The following RPTOR variants were observed in gnomAD, a reference collection of about 807,000 sequenced individuals.
RPTOR encodes the protein regulatory-associated protein of mTOR.
Under a neutral mutation model 169.9 loss-of-function variants are expected in RPTOR, and 21 were observed. The observed-to-expected ratio is 0.12, with a 90% CI of 0.09 to 0.18. The LOEUF is 0.18. RPTOR is among the 10% of genes least tolerant of loss of function. The pLI is 1.00. For missense variants in RPTOR, 1,133 were observed against 1,855.9 expected (o/e 0.61, Z 7.16); for synonymous variants, 732 against 753.2 (o/e 0.97, Z 0.46).
intron 3 of RPTOR, among the ~76,000 whole-genome samples, chr17:80,703,066 A>G (rs2066114622): frequency 6.6e-6 from 1 of 152,156 alleles, no homozygotes; most frequent in Admixed American, 6.5e-5. Flanking sequence ...AGGGAGACAG[A>G]TGTGGAGATC....
At position 80,949,564 on chromosome 17, in the gene RPTOR, C is replaced by T; in HGVS notation, c.3370+17C>T. On this transcript the variant is annotated intron_variant, in intron 28 of 33. Coordinates refer to ENST00000306801, the MANE Select transcript of RPTOR (RefSeq NM_020761.3). ...CGACGCGAGGTGGGTCCGCCCGGCTCCTCCCCAGAGCAGAATGTGTTCCCG... is the reference window on the plus strand; with the variant it reads ...CGACGCGAGGTGGGTCCGCCCGGCTTCTCCCCAGAGCAGAATGTGTTCCCG... 1.9e-6 allele frequency: 3 copies of T among 1,603,822 alleles called. No homozygotes were observed. Among genetic ancestry groups the T allele is most frequent in the Non-Finnish European group, 2.6e-6 (3 of 1,171,338 alleles).
chr17:80,924,630 T>C (rs1459703882), intron 23 of RPTOR, among the ~76,000 whole-genome samples: 1 of 148,798 alleles, frequency 6.7e-6, no homozygotes, highest in Admixed American at 6.7e-5. Context: ...TGGGGAGCAA[T>C]GCTACCGGCA....
At position 80,960,424 on chromosome 17, in the gene RPTOR, C is replaced by G. The variant is rs2069321237; in HGVS notation, c.3605+219C>G. Among the ~76,000 whole-genome samples the G allele has an allele frequency of 6.6e-6, 1 of 152,224 alleles. No homozygotes were observed. On this transcript the variant is annotated intron_variant, in intron 30 of 33. Coordinates refer to ENST00000306801, the MANE Select transcript of RPTOR (RefSeq NM_020761.3). This position sits in a 1 kb window ranked among gnomAD's most constrained non-coding sequence, Gnocchi z 4.8. ...CCACAAAGGTCTGCCCCACAGAGGT[C>G]CACCCCACAGCCTATGGAGGAGCAC...
At chr17:80,731,302 G>A (rs1308920427) in intron 5 of RPTOR, among the ~76,000 whole-genome samples, 1 of 152,024 alleles carries the variant, frequency 6.6e-6, no homozygotes, top group African/African-American at 2.4e-5. Flanking sequence ...CAAGATAAAT[G>A]TGAAAATAAA....
At chr17:80,828,245 T>TGTAG (rs1307032499) in intron 9 of RPTOR, among the ~76,000 whole-genome samples, 2 of 152,168 alleles carry the variant, frequency 1.3e-5, no homozygotes, top group African/African-American at 2.4e-5. Flanking sequence ...AGCGACCTGC[T>TGTAG]GTAGTCATGC....
At chr17:80,889,317 G>A (rs1027503574) in intron 17 of RPTOR, among the ~76,000 whole-genome samples, 8 of 152,186 alleles carry the variant, frequency 5.3e-5, no homozygotes, top group South Asian at 4.1e-4. Context: ...GTGGGGAGCC[G>A]ACAGGAAGGG....
chr17:80,750,850 A>G (rs2066623527), intron 5 of RPTOR, among the ~76,000 whole-genome samples: 1 of 152,062 alleles, frequency 6.6e-6, no homozygotes, highest in Non-Finnish European at 1.5e-5. Flanking sequence ...AAATATCCCT[A>G]ATGTCACCGA....
chr17:80,737,899 T>C (rs564259741), intron 5 of RPTOR, among the ~76,000 whole-genome samples: 1 of 151,244 alleles, frequency 6.6e-6, no homozygotes, highest in African/African-American at 2.5e-5. Flanking sequence ...TTCCACTGTC[T>C]ATAGCAGAAG....
chr17:80,866,927 G>C (rs1376530612), intron 13 of RPTOR, among the ~76,000 whole-genome samples: 1 of 152,122 alleles, frequency 6.6e-6, no homozygotes, highest in Admixed American at 6.5e-5. Flanking sequence ...GAAAACTGCA[G>C]GTCCAGATGA....
chr17:80,961,843 C>T, intron 31 of RPTOR: 1 of 251,952 alleles, frequency 4.0e-6, no homozygotes, highest in Non-Finnish European at 7.7e-6. Context: ...AAATTCAGTT[C>T]TGCCTCTTGG....
chr17:80,750,220 G>A (rs993158511), intron 5 of RPTOR, among the ~76,000 whole-genome samples: 1 of 152,192 alleles, frequency 6.6e-6, no homozygotes, highest in African/African-American at 2.4e-5. Flanking sequence ...CTATATACAT[G>A]TCCTTTTGAA....
chr17:80,634,386 TGTGTGC>T (rs2065474765), intron 2 of RPTOR, among the ~76,000 whole-genome samples: 1 of 90,788 alleles, frequency 1.1e-5, no homozygotes, highest in Non-Finnish European at 2.3e-5. Context: ...GTGTGCATAC[TGTGTGC>T]GTGTGCATAC....
intron 4 of RPTOR, among the ~76,000 whole-genome samples, chr17:80,729,285 C>T (rs2066368626): frequency 6.6e-6 from 1 of 152,168 alleles, no homozygotes; most frequent in Non-Finnish European, 1.5e-5. Flanking sequence ...GAAATAAACT[C>T]ACTTTTACTG....
chr17:80,928,526 C>T (rs543693906), intron 24 of RPTOR, among the ~76,000 whole-genome samples: 1 of 152,310 alleles, frequency 6.6e-6, no homozygotes, highest in South Asian at 2.1e-4. Context: ...ATGCAACTAG[C>T]GATTAGCAGG....
rs371922694 is a variant in RPTOR at position 80,726,817 on chromosome 17, C to G, written c.508-3743C>G. Among the ~76,000 whole-genome samples the G allele has an allele frequency of 3.9e-5, 6 of 152,282 alleles. No individual in the cohort carries two copies. The highest frequency in any genetic ancestry group is 1.4e-4 in the African/African-American group (6 of 41,538). On this transcript the variant is annotated intron_variant, in intron 4 of 33. Coordinates refer to ENST00000306801, the MANE Select transcript of RPTOR (RefSeq NM_020761.3). The surrounding 1 kb of genome is among the most constrained non-coding windows in gnomAD (Gnocchi z 4.5). ...GGGGGTAAAAAGATACACCCATGTCCCAGGCTGCTGCCAAAATCCTTTCTC... is the reference window on the plus strand; with the variant it reads ...GGGGGTAAAAAGATACACCCATGTCGCAGGCTGCTGCCAAAATCCTTTCTC...
chr17:80,610,115 C>G (rs1185926027), intron 1 of RPTOR, among the ~76,000 whole-genome samples: 1 of 151,480 alleles, frequency 6.6e-6, no homozygotes, highest in East Asian at 2.0e-4. Context: ...ACTGTCCTTT[C>G]CTCATCCTCC....
At chr17:80,816,427 G>A (rs1425025024) in intron 7 of RPTOR, among the ~76,000 whole-genome samples, 1 of 152,232 alleles carries the variant, frequency 6.6e-6, no homozygotes, top group African/African-American at 2.4e-5. Flanking sequence ...GGGACCAGCA[G>A]TGGAGAAGAT....
chr17:80,811,897 T>C (rs1030410542), intron 7 of RPTOR, among the ~76,000 whole-genome samples: 3 of 150,746 alleles, frequency 2.0e-5, no homozygotes, highest in African/African-American at 7.3e-5. Context: ...CAACAAGGCC[T>C]CAACCTCACT....
intron 24 of RPTOR, among the ~76,000 whole-genome samples, chr17:80,933,968 G>T (rs752851130): frequency 6.6e-6 from 1 of 151,876 alleles, no homozygotes; most frequent in Non-Finnish European, 1.5e-5. Flanking sequence ...TTGAGATGGG[G>T]TCTCATTCTG....
Sources: allele counts gnomAD v4.1 joint callset (sites outside exome capture counted in the v4.1 genomes callset), GRCh38; gene constraint gnomAD v4.1.1; non-coding constraint Gnocchi (gnomAD v3.1); transcripts MANE v1.5; gene names NCBI Gene and HGNC (gene_info 2026-07-23, HGNC 2026-07-21).